The following SCN9A variants were observed in gnomAD, a reference collection of about 807,000 sequenced individuals.
The protein encoded by SCN9A is sodium channel protein type 9 subunit alpha.
In SCN9A, 131 loss-of-function variants were observed where a neutral mutation model predicts 187.0. The observed-to-expected ratio is 0.70, with a 90% CI of 0.61 to 0.81. The LOEUF (loss-of-function observed/expected upper bound fraction) is 0.81. SCN9A is among the 30% of genes least tolerant of loss of function. The pLI is 0.00. For missense variants in SCN9A, 2,252 were observed against 2,396.6 expected, an observed-to-expected ratio of 0.94 and a Z score of 1.26; for synonymous variants, 809 against 808.6, an observed-to-expected ratio of 1.00 and a Z score of -0.01.
At chr2:166,306,834 G>A (rs887443119) in intron 3 of SCN9A, 122 bp downstream of exon 3, 1 of 648,182 alleles carries the variant, frequency 1.5e-6, no homozygotes, top group Non-Finnish European at 2.7e-6. Context: ...TAATAATACT[G>A]AAATTAATAA....
At position 166,293,266 on chromosome 2, in the gene SCN9A, T is replaced by C. The variant is rs1574883049; in HGVS notation, c.1072A>G (p.Met358Val). The change falls in exon 9 of 27, where the codon ATG becomes GTG. Residue 358 changes from methionine (M) to valine (V), a missense_variant. This residue lies in a region of SCN9A where 1,013 missense variants were observed against 997.4 expected (regional missense o/e 1.02). Coordinates refer to ENST00000642356, the MANE Select transcript of SCN9A (RefSeq NM_001365536.1). ...SWAFLALFRLMTQDYWENLYQ... is the reference protein window; with the variant it reads ...SWAFLALFRLVTQDYWENLYQ... ...AGGTTTTCCCAGTAATCTTGGGTCATTAGCCTAAACAAGGCTAAGAAGGCC... is the reference window on the plus strand; with the variant it reads ...AGGTTTTCCCAGTAATCTTGGGTCACTAGCCTAAACAAGGCTAAGAAGGCC... 1.9e-6 allele frequency: 3 copies of C among 1,592,190 alleles called. No homozygotes were observed. The highest frequency in any genetic ancestry group is 2.6e-6 in the Non-Finnish European group (3 of 1,167,966).
chr2:166,284,928 G>T, intron 11 of SCN9A, 104 bp from the exon 12 acceptor site: 1 of 1,226,598 alleles, frequency 8.2e-7, no homozygotes, highest in African/African-American at 1.5e-5. Context: ...AGGTGGCTCT[G>T]TACTGACTTA....
Position 166,278,251 on chromosome 2 carries a change from C to A in SCN9A, c.2406G>T (p.Glu802Asp). Residue 802 changes from glutamate (E) to aspartate (D), a missense_variant, in exon 15 of 27, where the codon GAG (glutamate) becomes GAT (aspartate). This residue lies in a region of SCN9A where 1,013 missense variants were observed against 997.4 expected (regional missense o/e 1.02). Transcript: ENST00000642356. ...VLKLIAMDPY[E>D]YFQVGWNIFD... ...AAATATTCCAGCCTACTTGGAAATA[C>A]TCATATGGATCCATGGCAATCAGTT... 1.2e-6 allele frequency: 2 copies of A among 1,612,490 alleles called. 1 individual carries two copies. Among genetic ancestry groups the A allele is most frequent in the South Asian group, 2.2e-5 (2 of 90,918 alleles).
intron 1 of SCN9A, among the ~76,000 whole-genome samples, chr2:166,367,845 A>C (rs1700455797): frequency 6.6e-6 from 1 of 152,344 alleles, no homozygotes; most frequent in South Asian, 2.1e-4. Context: ...TTTTGACTTA[A>C]CACAATATAC....
intron 24 of SCN9A, among the ~76,000 whole-genome samples, chr2:166,207,546 T>C (rs1388615943): frequency 6.6e-6 from 1 of 152,018 alleles, no homozygotes; most frequent in Non-Finnish European, 1.5e-5. Flanking sequence ...GTTCAAGTAA[T>C]TCTCATGTCT....
At position 166,212,531 on chromosome 2, in the gene SCN9A, C is replaced by G. The variant is rs142402565; in HGVS notation, c.4399-8067G>C. On this transcript the variant is annotated intron_variant, in intron 24 of 26. Transcript: ENST00000642356. ...CTGAAGGGATAAACATGCAGCAACA[C>G]CATAACAGTAGGATACATCAATACC... Among the ~76,000 whole-genome samples, 605 of 152,202 alleles carry G rather than the reference C, an allele frequency of 4.0e-3. 5 individuals carry two copies. The highest frequency in any genetic ancestry group is 0.014 in the African/African-American group (580 of 41,532).
chr2:166,217,341 A>G (rs1333275752), intron 24 of SCN9A, among the ~76,000 whole-genome samples: 3 of 152,114 alleles, frequency 2.0e-5, no homozygotes, highest in Non-Finnish European at 4.4e-5. Flanking sequence ...AGGTAACAAA[A>G]GACAATAAGA....
chr2:166,199,975 G>GGTTTTTTT (rs1693410124), intron 26 of SCN9A, 111 bp from the exon 27 acceptor site: 1 of 79,310 alleles, frequency 1.3e-5, no homozygotes, highest in South Asian at 2.4e-4. Flanking sequence ...ATTCAAGACA[G>GGTTTTTTT]TTTTTTTTTT....
chr2:166,256,908 C>T (rs1696301597), intron 17 of SCN9A, among the ~76,000 whole-genome samples: 1 of 151,500 alleles, frequency 6.6e-6, no homozygotes, highest in Non-Finnish European at 1.5e-5. Flanking sequence ...AACATGAAAA[C>T]TTACGTGACT....
intron 18 of SCN9A, among the ~76,000 whole-genome samples, chr2:166,243,839 G>C (rs1187357507): frequency 6.6e-6 from 1 of 151,988 alleles, no homozygotes; most frequent in African/African-American, 2.4e-5. Flanking sequence ...GGTACATGGA[G>C]GATAAGTTGG....
chr2:166,230,146 TCATA>T (rs1695020281), intron 21 of SCN9A, among the ~76,000 whole-genome samples: 1 of 152,154 alleles, frequency 6.6e-6, no homozygotes, highest in African/African-American at 2.4e-5. Context: ...TAGTCATGGG[TCATA>T]CATAAACAAA....
intron 17 of SCN9A, among the ~76,000 whole-genome samples, chr2:166,269,362 T>C (rs1696876981): frequency 6.6e-6 from 1 of 151,966 alleles, no homozygotes; most frequent in South Asian, 2.1e-4. Context: ...ATGCCACAGA[T>C]ATATAAATTC....
chr2:166,236,162 C>G (rs1695310135), intron 20 of SCN9A, among the ~76,000 whole-genome samples: 1 of 151,994 alleles, frequency 6.6e-6, no homozygotes, highest in Non-Finnish European at 1.5e-5. Context: ...TTCTTCAAAA[C>G]TACTATATTA....
chr2:166,354,203 A>G (rs1700101585), intron 1 of SCN9A, among the ~76,000 whole-genome samples: 1 of 152,196 alleles, frequency 6.6e-6, no homozygotes, highest in African/African-American at 2.4e-5. Flanking sequence ...AAATTAAAAC[A>G]TTGAAAAACA....
rs1416618684 is a variant in SCN9A at position 166,199,169 on chromosome 2, T to C, written c.5470A>G (p.Ile1824Val). The C allele has an allele frequency of 6.2e-7, 1 of 1,614,076 alleles. No homozygotes were observed. Among genetic ancestry groups the C allele is most frequent in the Non-Finnish European group, 8.5e-7 (1 of 1,180,044 alleles). ...CTAACCATGGGCAGATCCATGGCAATGAGCTGGACTTTGTTGGGTTTTGCT... is the reference window on the plus strand; with the variant it reads ...CTAACCATGGGCAGATCCATGGCAACGAGCTGGACTTTGTTGGGTTTTGCT... ...LIAKPNKVQL[I>V]AMDLPMVSGD... The change falls in exon 27 of 27, where the codon ATT (isoleucine) becomes GTT (valine). Residue 1824 changes from isoleucine to valine, a missense_variant. Around this residue, in one of 7 missense-constraint regions of SCN9A, gnomAD observed 345 missense variants for 344.6 expected, o/e 1.00. Transcript: ENST00000642356.
intron 2 of SCN9A, 90 bp from the exon 3 acceptor site, chr2:166,307,164 T>C (rs566962886): frequency 2.5e-5 from 17 of 693,190 alleles, no homozygotes; most frequent in Non-Finnish European, 4.3e-5. Context: ...TACATGGCAG[T>C]GTTATATTGA....
intron 10 of SCN9A, among the ~76,000 whole-genome samples, chr2:166,287,872 T>G (rs1254880919): frequency 6.6e-6 from 1 of 151,162 alleles, no homozygotes; most frequent in Non-Finnish European, 1.5e-5. Context: ...TATCTGTTAA[T>G]TTTAACGTTA....
chr2:166,272,647 C>T lies in SCN9A; in HGVS notation c.3103G>A (p.Glu1035Lys). 1.9e-6 allele frequency: 3 copies of T among 1,612,900 alleles called. No homozygotes were observed. Among genetic ancestry groups the T allele is most frequent in the South Asian group, 2.2e-5 (2 of 91,010 alleles). Residue 1035 changes from glutamate (E) to lysine (K), a missense_variant, in exon 17 of 27, where the codon GAA becomes AAA. Glu to Lys is a moderately conservative substitution (Grantham distance 56, BLOSUM62 1). This residue lies in a region of SCN9A where 313 missense variants were observed against 295.3 expected (regional missense o/e 1.06). Transcript: ENST00000642356. ...AGTGTATGGTTAGAAATATAGTTTT[C>T]CTTCTTAGTATTCAGATCTTCTGCT... The part of the protein sequence containing the change: ...RQAEDLNTKK[E>K]NYISNHTLAE...
At chr2:166,261,548 G>A (rs1696507339) in intron 17 of SCN9A, among the ~76,000 whole-genome samples, 1 of 151,914 alleles carries the variant, frequency 6.6e-6, no homozygotes, top group Non-Finnish European at 1.5e-5. Flanking sequence ...GAAGGGAGAA[G>A]AGATGGAGCC....
Sources: allele counts gnomAD v4.1 joint callset (sites outside exome capture counted in the v4.1 genomes callset), GRCh38; gene constraint gnomAD v4.1.1; regional missense constraint gnomAD v4.1.1; transcripts MANE v1.5; gene names NCBI Gene and HGNC (gene_info 2026-07-23, HGNC 2026-07-21).